The following INPP5D variants were observed in gnomAD, a reference collection of about 807,000 sequenced individuals.
INPP5D encodes phosphatidylinositol 3,4,5-trisphosphate 5-phosphatase 1.
INPP5D carries 33 observed loss-of-function variants against 122.9 expected under a neutral mutation model. The ratio of observed to expected loss-of-function variants is 0.27; its 90% CI spans 0.20 to 0.36. The LOEUF (loss-of-function observed/expected upper bound fraction) is 0.36. Among genes scored for constraint, INPP5D ranks in the 10% least tolerant of loss-of-function variants. The pLI is 1.00. For missense variants in INPP5D, 1,053 were observed against 1,412.7 expected, an observed-to-expected ratio of 0.75 and a Z score of 4.08; for synonymous variants, 584 against 576.2, an observed-to-expected ratio of 1.01 and a Z score of -0.19.
intron 3 of INPP5D, among the ~76,000 whole-genome samples, chr2:233,125,330 T>A (rs1260673878): frequency 7.9e-5 from 12 of 152,138 alleles, no homozygotes; most frequent in African/African-American, 1.2e-4. Flanking sequence ...TCCCCTTCCA[T>A]GGTTTTGGCC....
intron 13 of INPP5D, among the ~76,000 whole-genome samples, chr2:233,165,386 TTGTG>T (rs1315115441): frequency 6.6e-6 from 1 of 151,472 alleles, no homozygotes; most frequent in Non-Finnish European, 1.5e-5. Flanking sequence ...GCATGTGTGT[TTGTG>T]TGTGTTTATG....
At chr2:233,204,775 C>CGTATGTGTGTATGTGT in intron 26 of INPP5D, 58 bp downstream of exon 26, 1 of 1,416,180 alleles carries the variant, frequency 7.1e-7, no homozygotes, top group Non-Finnish European at 9.2e-7. Context: ...TGCGTGAGTG[C>CGTATGTGTGTATGTGT]GTATGTGTGT....
Position 233,195,399 on chromosome 2 carries a change from A to G in INPP5D, c.2597A>G (p.Asp866Gly). 6.2e-7 allele frequency: 1 copy of G among 1,613,704 alleles called. No homozygotes were observed. Among genetic ancestry groups the G allele is most frequent in the Non-Finnish European group, 8.5e-7 (1 of 1,179,812 alleles). ...SQGKTREKLY[D>G]FVKTERDESS... ...CTCTTTCCCGTCCCTTTCCTTCCAGACTTTGTGAAGACGGAGCGTGATGAA... is the reference window on the plus strand; with the variant it reads ...CTCTTTCCCGTCCCTTTCCTTCCAGGCTTTGTGAAGACGGAGCGTGATGAA... Residue 866 changes from aspartate (D) to glycine (G), a missense_variant and splice_region_variant, in exon 24 of 27, where the codon GAC (aspartate) becomes GGC (glycine). Physicochemically the swap from Asp to Gly is moderately conservative, Grantham distance 94. This residue lies in a region of INPP5D where 258 missense variants were observed against 439.1 expected (regional missense o/e 0.59). Transcript: ENST00000445964.
At chr2:233,061,630 T>C (rs1054071062) in intron 1 of INPP5D, among the ~76,000 whole-genome samples, 1 of 152,238 alleles carries the variant, frequency 6.6e-6, no homozygotes, top group South Asian at 2.1e-4. Context: ...GACTCACAGC[T>C]GGGACCTGTC....
intron 2 of INPP5D, among the ~76,000 whole-genome samples, chr2:233,111,968 G>A (rs1461004037): frequency 6.6e-6 from 1 of 151,592 alleles, no homozygotes; most frequent in Non-Finnish European, 1.5e-5. Flanking sequence ...GGGGGCTGAG[G>A]TGTGAGGATC....
At chr2:233,070,355 A>G (rs1054366462) in intron 1 of INPP5D, among the ~76,000 whole-genome samples, 1 of 151,866 alleles carries the variant, frequency 6.6e-6, no homozygotes, top group Non-Finnish European at 1.5e-5. Flanking sequence ...CTCTGCACAC[A>G]GAAATTCACT....
rs201355193 is a variant in INPP5D, at chr2:233,193,945, G to T, written c.2580G>T (p.Thr860=). The T allele has an allele frequency of 3.1e-6, 5 of 1,608,432 alleles. No homozygotes were observed. The highest frequency in any genetic ancestry group is 2.6e-6 in the Non-Finnish European group (3 of 1,175,970). The part of the protein sequence containing the change: ...EIKLQTSQGK[T]REKLYDFVKT... ...AGCTGCAGACCTCTCAGGGCAAGAC[G>T]AGGGAGAAGCTCTATGGTAAGCAGC... The change falls in exon 23 of 27, where the codon ACG becomes ACT. Residue 860 remains threonine, a synonymous_variant. Coordinates refer to ENST00000445964, the MANE Select transcript of INPP5D (RefSeq NM_001017915.3).
chr2:233,117,077 C>A (rs927338772), intron 2 of INPP5D, among the ~76,000 whole-genome samples: 2 of 152,172 alleles, frequency 1.3e-5, no homozygotes, highest in African/African-American at 4.8e-5. Flanking sequence ...CACTTGGGGG[C>A]CGCCGGTAAC....
At chr2:233,176,214 C>T (rs1007152692) in intron 17 of INPP5D, among the ~76,000 whole-genome samples, 1 of 151,904 alleles carries the variant, frequency 6.6e-6, no homozygotes, top group African/African-American at 2.4e-5. Flanking sequence ...AGCCTGAGGC[C>T]CTGGAGAGGG....
chr2:233,074,211 G>A lies in INPP5D; in HGVS notation c.135-5124G>A, dbSNP rs189280055. Among the ~76,000 whole-genome samples, 7 of 152,318 alleles carry A rather than the reference G, an allele frequency of 4.6e-5. 1 individual carries two copies. Among genetic ancestry groups the A allele is most frequent in the African/African-American group, 4.8e-5 (2 of 41,572 alleles). On this transcript the variant is annotated intron_variant, in intron 1 of 26. Coordinates refer to ENST00000445964, the MANE Select transcript of INPP5D (RefSeq NM_001017915.3). ...GGAGATGACAATTCAAGATCCAGCC[G>A]GTGGTGGGGCCAGAGATGAGGGTGT...
At chr2:233,104,157 C>T (rs567145141) in intron 2 of INPP5D, among the ~76,000 whole-genome samples, 47 of 144,592 alleles carry the variant, frequency 3.3e-4, no homozygotes, top group Admixed American at 9.7e-4. Context: ...ATTACAGGTG[C>T]GCACCACCAC....
At chr2:233,136,114 CTA>C (rs1274973727) in intron 5 of INPP5D, among the ~76,000 whole-genome samples, 1 of 152,186 alleles carries the variant, frequency 6.6e-6, no homozygotes. Flanking sequence ...TATCAGAACA[CTA>C]TGTGATGCAG....
chr2:233,121,651 G>A (rs1692982829), intron 2 of INPP5D, among the ~76,000 whole-genome samples: 2 of 151,652 alleles, frequency 1.3e-5, no homozygotes, highest in Admixed American at 1.3e-4. Flanking sequence ...GAGTAGCTGG[G>A]ATTACAGGCA....
At chr2:233,103,733 G>C (rs901921164) in intron 2 of INPP5D, among the ~76,000 whole-genome samples, 1 of 141,078 alleles carries the variant, frequency 7.1e-6, no homozygotes, top group Non-Finnish European at 1.5e-5. Context: ...TGGAGACAGA[G>C]ACTTGCTGTG....
At position 233,136,477 on chromosome 2, in the gene INPP5D, T is replaced by TAAAAAAA. The variant is rs56838121; in HGVS notation, c.666-3360_666-3354dup. ...CTGGATGACAGAGCGAGACCGCGTT[T>TAAAAAAA]AAAAAAAAAAAGGAAATAGAATAAC... On this transcript the variant is annotated intron_variant, in intron 5 of 26. Transcript: ENST00000445964. Among the ~76,000 whole-genome samples, 103 of 145,200 alleles carry TAAAAAAA rather than the reference T, an allele frequency of 7.1e-4. 1 individual carries two copies. Among genetic ancestry groups the TAAAAAAA allele is most frequent in the East Asian group, 3.6e-3 (18 of 5,012 alleles).
rs766520865 is a variant in INPP5D, at chr2:233,198,202, C to G, written c.2801C>G (p.Ser934Cys). Residue 934 changes from serine (S) to cysteine (C), a missense_variant, in exon 25 of 27, where the codon TCC becomes TGC. By Grantham distance (112) the Ser-to-Cys change is moderately radical (BLOSUM62 -1). Transcript: ENST00000445964. ...PMPLHVKQTL[S>C]PDQQPTAWSY... The stretch of plus-strand genomic sequence containing the variant: ...CCCCTGCACGTGAAGCAGACCTTGT[C>G]CCCTGACCAGCAGCCCACAGCCTGG... 3 of 1,613,684 alleles carry G rather than the reference C, an allele frequency of 1.9e-6. No homozygotes were observed. The highest frequency in any genetic ancestry group is 2.5e-6 in the Non-Finnish European group (3 of 1,179,896).
At position 233,126,686 on chromosome 2, in the gene INPP5D, C is replaced by G. The variant is rs113623476; in HGVS notation, c.524+767C>G. 9.3e-3 allele frequency among the ~76,000 whole-genome samples: 1,413 copies of G among 152,182 alleles called. 7 individuals carry two copies. Among genetic ancestry groups the G allele is most frequent in the African/African-American group, 0.013 (541 of 41,556 alleles). On this transcript the variant is annotated intron_variant, in intron 4 of 26. Coordinates refer to ENST00000445964, the MANE Select transcript of INPP5D (RefSeq NM_001017915.3). ...TGTAATCTCAGCACTTTGGGAGGCC[C>G]AGGCGGGCAGATCACCTGAATCCAG...
At chr2:233,148,692 A>C (rs1312189955) in intron 9 of INPP5D, among the ~76,000 whole-genome samples, 2 of 152,002 alleles carry the variant, frequency 1.3e-5, no homozygotes, top group Non-Finnish European at 2.9e-5. Flanking sequence ...TGGCGAATGG[A>C]CATCTTTCTT....
intron 25 of INPP5D, among the ~76,000 whole-genome samples, chr2:233,203,848 T>C (rs1695404110): frequency 1.3e-5 from 2 of 152,110 alleles, no homozygotes; most frequent in Non-Finnish European, 2.9e-5. Context: ...CTTGGGAGGC[T>C]GAGGGGAAGG....
Sources: gnomAD v4.1 joint callset for allele counts (sites outside exome capture counted in the v4.1 genomes callset) on GRCh38, gnomAD v4.1.1 for gene constraint, gnomAD v4.1.1 regional missense constraint, MANE v1.5 for transcripts, NCBI Gene and HGNC (gene_info 2026-07-23, HGNC 2026-07-21) for gene names.